The following AK1 variants were observed in gnomAD, a reference collection of about 807,000 sequenced individuals.
AK1 encodes adenylate kinase isoenzyme 1.
Under a neutral mutation model 23.9 loss-of-function variants are expected in AK1, and 13 were observed. That is an observed-to-expected ratio of 0.54 (90% confidence interval 0.35 to 0.86). The LOEUF is 0.86. Among genes scored for constraint, AK1 ranks in the 40% least tolerant of loss-of-function variants. AK1 has a pLI of 0.01. For synonymous variants in AK1, 97 were observed against 102.8 expected (o/e 0.94, Z 0.34); for missense variants, 214 against 255.1 (o/e 0.84, Z 1.10).
chr9:127,874,784 C>A, intron 1 of AK1, 135 bp from the exon 2 acceptor site: 2 of 882,934 alleles, frequency 2.3e-6, no homozygotes, highest in Non-Finnish European at 3.6e-6. Context: ...CTGCTGGGGG[C>A]AGGGAAGGCC....
rs768926123 is a variant in AK1 at position 127,867,964 on chromosome 9, G to A, written c.*44C>T. Reference sequence around the variant, plus strand: ...GGCCAGGAGGACCTCGAATCAGGACGGGGTGGGGCGGGGCTCTGAGCTGGG... The same window carrying A: ...GGCCAGGAGGACCTCGAATCAGGACAGGGTGGGGCGGGGCTCTGAGCTGGG... On this transcript the variant is annotated 3_prime_UTR_variant, in exon 7 of 7. Transcript: ENST00000644144. The A allele has an allele frequency of 5.6e-6, 9 of 1,597,176 alleles. No individual in the cohort carries two copies. In the South Asian group the frequency reaches 6.6e-5, roughly 12 times the overall value.
rs1467108134 is a variant in AK1 at position 127,871,292 on chromosome 9, C to T, written c.324+531G>A. Among the ~76,000 whole-genome samples the T allele has an allele frequency of 1.3e-5, 2 of 151,628 alleles. No homozygotes were observed. Among genetic ancestry groups the T allele is most frequent in the Non-Finnish European group, 2.9e-5 (2 of 68,028 alleles). On this transcript the variant is annotated intron_variant, in intron 5 of 6. Coordinates refer to ENST00000644144, the MANE Select transcript of AK1 (RefSeq NM_000476.3). This position sits in a 1 kb window ranked among gnomAD's most constrained non-coding sequence, Gnocchi z 4.4. ...GCTCCTCATGACCCCTGGAAGGAGA[C>T]TGATGTCCCTTTATGGCATTTGCAG...
chr9:127,874,565 G>T (rs1258726691), intron 2 of AK1, 46 bp downstream of exon 2: 1 of 1,612,670 alleles, frequency 6.2e-7, no homozygotes, highest in Admixed American at 1.7e-5. Context: ...TAATAGTCAG[G>T]CACACTGAGG....
At chr9:127,870,326 C>G (rs1829363254) in intron 5 of AK1, among the ~76,000 whole-genome samples, 1 of 151,916 alleles carries the variant, frequency 6.6e-6, no homozygotes, top group Non-Finnish European at 1.5e-5. Context: ...TCTCAGCCTC[C>G]TGAGTAGCTG....
upstream of AK1, chr9:127,879,512 A>C (rs1450779793): frequency 6.6e-6 from 1 of 151,276 alleles, no homozygotes; most frequent in African/African-American, 2.4e-5. Flanking sequence ...AATCCCACCT[A>C]CTTGGGAGGC....
Position 127,874,622 on chromosome 9 carries a change from C to T in AK1, c.-5G>A. The stretch of plus-strand genomic sequence containing the variant: ...GAGGAGGCTCATACCTTCCATCCTG[C>T]CGAGGTCCCGGGAGCCGTGTCAGTG... On this transcript the variant is annotated 5_prime_UTR_variant, in exon 2 of 7. Coordinates refer to ENST00000644144, the MANE Select transcript of AK1 (RefSeq NM_000476.3). 1.9e-6 allele frequency: 3 copies of T among 1,613,612 alleles called. No individual in the cohort carries two copies. Among genetic ancestry groups the T allele is most frequent in the Non-Finnish European group, 1.7e-6 (2 of 1,179,976 alleles).
upstream of AK1, among the ~76,000 whole-genome samples, chr9:127,878,086 G>A (rs1455825228): frequency 6.6e-6 from 1 of 152,220 alleles, no homozygotes; most frequent in Non-Finnish European, 1.5e-5. Flanking sequence ...GGGAGCGAGA[G>A]GGCTGAGGCA....
chr9:127,879,373 C>T (rs143734167), upstream of AK1: 1 of 151,922 alleles, frequency 6.6e-6, no homozygotes, highest in African/African-American at 2.4e-5. Flanking sequence ...ACCTGTAATC[C>T]CAGCATTTTG....
chr9:127,872,069 C>T (rs1358867050), intron 4 of AK1, 130 bp from the exon 5 acceptor site: 1 of 783,354 alleles, frequency 1.3e-6, no homozygotes, highest in Non-Finnish European at 2.2e-6. Flanking sequence ...CAAGCCTCCC[C>T]CTCCAGGAAG....
At chr9:127,873,716 C>T (rs1258975454) in intron 2 of AK1, 11 of 985,284 alleles carry the variant, frequency 1.1e-5, no homozygotes, top group Non-Finnish European at 1.2e-5. Context: ...AAACTGAGCT[C>T]GAGAGAGGGA....
In AK1 at chr9:127,873,051, C is replaced by T; in HGVS notation, c.18G>A (p.Lys6=). MEEKL[K]KTKIIFVVGG... is the part of the protein sequence containing the mutation. ...CCACCACAAAGATGATCTTGGTTTT[C>T]TTCAGCTTCTCTGCGGGAGAGAAAA... is the stretch of plus-strand genomic sequence containing the variant. The change falls in exon 3 of 7, where the codon AAG becomes AAA. Residue 6 remains lysine (K), a synonymous_variant. Coordinates refer to ENST00000644144, the MANE Select transcript of AK1 (RefSeq NM_000476.3). 3 of 1,614,056 alleles carry T rather than the reference C, an allele frequency of 1.9e-6. No individual in the cohort carries two copies. The highest frequency in any genetic ancestry group is 2.5e-6 in the Non-Finnish European group (3 of 1,179,940).
chr9:127,873,449 G>T, intron 2 of AK1: 2 of 1,534,844 alleles, frequency 1.3e-6, no homozygotes, highest in Non-Finnish European at 1.7e-6. Flanking sequence ...AGCAGCCCAT[G>T]GTCCCGTCCT....
intron 2 of AK1, chr9:127,873,407 A>G: frequency 1.3e-6 from 2 of 1,582,766 alleles, no homozygotes; most frequent in Non-Finnish European, 1.7e-6. Flanking sequence ...TGGCTCTCAG[A>G]TCGTCTTCTC....
At position 127,871,761 on chromosome 9, in the gene AK1, T is replaced by G. The variant is rs954249292; in HGVS notation, c.324+62A>C. 1 of 1,414,084 alleles carries G rather than the reference T, an allele frequency of 7.1e-7. No homozygotes were observed. Among genetic ancestry groups the G allele is most frequent in the Admixed American group, 1.7e-5 (1 of 59,700 alleles). 87.6% of individuals were successfully genotyped at this position (1,414,084 alleles called of 1,614,324 possible). ...ATCACAGCCCCCGCAGGCCCGCCCA[T>G]GGGGATGGGAGTCTTATCCTGCCCC... On this transcript the variant is annotated intron_variant, in intron 5 of 6. Coordinates refer to ENST00000644144, the MANE Select transcript of AK1 (RefSeq NM_000476.3). The surrounding 1 kb of genome is among the most constrained non-coding windows in gnomAD (Gnocchi z 4.4).
At position 127,877,397 on chromosome 9, in the gene AK1, A is replaced by C. The variant is rs1484859849; in HGVS notation, c.-33+226T>G. Among the ~76,000 whole-genome samples, 3 of 149,984 alleles carry C rather than the reference A, an allele frequency of 2.0e-5. No homozygotes were observed. Among genetic ancestry groups the C allele is most frequent in the Non-Finnish European group, 4.4e-5 (3 of 67,712 alleles). On this transcript the variant is annotated intron_variant, in intron 1 of 6. Coordinates refer to ENST00000644144, the MANE Select transcript of AK1 (RefSeq NM_000476.3). This position sits in a 1 kb window ranked among gnomAD's most constrained non-coding sequence, Gnocchi z 5.2. ...GCTGGAAGGGGCTGCAACACACACA[A>C]ACACACACGCACACACACGCACGGA...
chr9:127,877,171 G>A lies in AK1; in HGVS notation c.-33+452C>T, dbSNP rs1056778473. 7.2e-5 allele frequency among the ~76,000 whole-genome samples: 11 copies of A among 152,088 alleles called. No individual in the cohort carries two copies. The highest frequency in any genetic ancestry group is 2.2e-4 in the African/African-American group (9 of 41,404). On this transcript the variant is annotated intron_variant, in intron 1 of 6. Transcript: ENST00000644144. The surrounding 1 kb of genome is among the most constrained non-coding windows in gnomAD (Gnocchi z 5.2). ...TAGGGCAAGCTCTGAGCATCCAGGG[G>A]GTGTTCTCCAATGCACCCAGCACTA... is the stretch of plus-strand genomic sequence containing the variant.
rs999159283 is a variant in AK1, at chr9:127,874,175, C to T, written c.7+436G>A. 1.8e-5 allele frequency: 18 copies of T among 985,258 alleles called. No individual in the cohort carries two copies. In the Admixed American group the frequency reaches 2.5e-4, roughly 13 times the overall value. 61.0% of individuals were successfully genotyped at this position (985,258 alleles called of 1,614,324 possible). ...GCCCGTTCTGGACTCTCTGCCTGCCCGTGTCTCCCTCTAAGTCCCAGCCCA... is the reference window on the plus strand; with the variant it reads ...GCCCGTTCTGGACTCTCTGCCTGCCTGTGTCTCCCTCTAAGTCCCAGCCCA... On this transcript the variant is annotated intron_variant, in intron 2 of 6. Coordinates refer to ENST00000644144, the MANE Select transcript of AK1 (RefSeq NM_000476.3).
At chr9:127,870,317 C>G (rs1829362988) in intron 5 of AK1, among the ~76,000 whole-genome samples, 1 of 149,524 alleles carries the variant, frequency 6.7e-6, no homozygotes, top group African/African-American at 2.5e-5. Context: ...ATTCTCGTGT[C>G]TCAGCCTCCT....
chr9:127,876,657 G>A (rs1376673291), intron 1 of AK1, among the ~76,000 whole-genome samples: 5 of 56,780 alleles, frequency 8.8e-5, no homozygotes, highest in East Asian at 4.3e-4. Flanking sequence ...CCTCGACCCC[G>A]CCCTGCCCCG....
Sources: gnomAD v4.1 joint callset for allele counts (sites outside exome capture counted in the v4.1 genomes callset) on GRCh38, gnomAD v4.1.1 for gene constraint, Gnocchi (gnomAD v3.1) non-coding constraint, MANE v1.5 for transcripts, NCBI Gene and HGNC (gene_info 2026-07-23, HGNC 2026-07-21) for gene names.